The following PXDNL variants were observed in gnomAD, a reference collection of about 807,000 sequenced individuals.
The protein encoded by PXDNL is peroxidasin like, also known as probable oxidoreductase PXDNL.
In PXDNL, 145 loss-of-function variants were observed where a neutral mutation model predicts 150.8. The observed-to-expected ratio is 0.96, with a 90% CI of 0.84 to 1.10. The LOEUF is 1.10. PXDNL is among the 50% of genes least tolerant of loss of function. PXDNL has a pLI of 0.00. For missense variants in PXDNL, 2,087 were observed against 1,873.9 expected (o/e 1.11, Z -2.10); for synonymous variants, 757 against 725.7 (o/e 1.04, Z -0.69).
chr8:51,606,031 A>T (rs528321585), intron 2 of PXDNL, among the ~76,000 whole-genome samples: 1 of 152,212 alleles, frequency 6.6e-6, no homozygotes, highest in Non-Finnish European at 1.5e-5. Flanking sequence ...TTATTCATAT[A>T]TTATCTTGTT....
chr8:51,595,204 T>C (rs1166771164), intron 2 of PXDNL, among the ~76,000 whole-genome samples: 1 of 152,122 alleles, frequency 6.6e-6, no homozygotes, highest in Non-Finnish European at 1.5e-5. Flanking sequence ...TATTAGCTGT[T>C]TTTTGCTGAA....
chr8:51,606,832 T>C (rs1281826445), intron 2 of PXDNL, among the ~76,000 whole-genome samples: 1 of 152,154 alleles, frequency 6.6e-6, no homozygotes, highest in East Asian at 1.9e-4. Context: ...CTTTCACACA[T>C]ACAACACATA....
At chr8:51,403,282 A>G (rs1808324621) in intron 17 of PXDNL, among the ~76,000 whole-genome samples, 1 of 152,182 alleles carries the variant, frequency 6.6e-6, no homozygotes, top group Non-Finnish European at 1.5e-5. Context: ...TTGGTACTGA[A>G]GGAGGCAGGA....
chr8:51,367,697 G>A (rs1806964338), intron 19 of PXDNL, among the ~76,000 whole-genome samples: 2 of 152,004 alleles, frequency 1.3e-5, no homozygotes, highest in Admixed American at 1.3e-4. Flanking sequence ...TTATATAACA[G>A]ATACATAGAA....
chr8:51,804,001 G>A (rs1383039798), intron 1 of PXDNL, among the ~76,000 whole-genome samples: 1 of 152,174 alleles, frequency 6.6e-6, no homozygotes, highest in African/African-American at 2.4e-5. Context: ...AGTTAATTTA[G>A]AAAGTTTATT....
intron 1 of PXDNL, among the ~76,000 whole-genome samples, chr8:51,658,491 TG>T (rs1004086219): frequency 1.3e-5 from 2 of 152,192 alleles, no homozygotes; most frequent in African/African-American, 4.8e-5. Flanking sequence ...CGATCCTCTT[TG>T]GCTAGTACAT....
At chr8:51,607,391 G>A (rs116002413) in intron 2 of PXDNL, among the ~76,000 whole-genome samples, 1 of 152,160 alleles carries the variant, frequency 6.6e-6, no homozygotes, top group Non-Finnish European at 1.5e-5. Context: ...AACAAAGGAG[G>A]CACGAAGCCC....
chr8:51,497,438 T>A (rs1163216696), intron 5 of PXDNL, among the ~76,000 whole-genome samples: 1 of 151,996 alleles, frequency 6.6e-6, no homozygotes, highest in Non-Finnish European at 1.5e-5. Context: ...ACAAACAGGA[T>A]CTAATTAAAC....
chr8:51,696,805 TCACACACA>T (rs769772282), intron 1 of PXDNL, among the ~76,000 whole-genome samples: 477 of 26,390 alleles, frequency 0.018, 8 homozygotes, highest in South Asian at 0.063. Flanking sequence ...ACATAGGTCT[TCACACACA>T]CACACACACA....
At position 51,319,934 on chromosome 8, in the gene PXDNL, C is replaced by A. The variant is rs1805265923; in HGVS notation, c.4349G>T (p.Cys1450Phe). The A allele has an allele frequency of 3.2e-6, 5 of 1,571,866 alleles. No individual in the cohort carries two copies. The highest frequency in any genetic ancestry group is 1.4e-5 in the African/African-American group (1 of 72,862). The stretch of plus-strand genomic sequence containing the variant: ...ATCACTTGGCATTCCTCGGTCTCTG[C>A]AAACTGGACAGCAGGTTCCTTTCAC... ...ELVKGTCCPVCRDRGMPSDSP... is the reference protein window; with the variant it reads ...ELVKGTCCPVFRDRGMPSDSP... Residue 1450 changes from cysteine to phenylalanine, a missense_variant, in exon 23 of 23, where the codon TGC becomes TTC. Physicochemically the swap from Cys to Phe is radical, Grantham distance 205. Coordinates refer to ENST00000356297, the MANE Select transcript of PXDNL (RefSeq NM_144651.5).
At chr8:51,402,353 C>T (rs995548526) in intron 17 of PXDNL, among the ~76,000 whole-genome samples, 5 of 151,992 alleles carry the variant, frequency 3.3e-5, no homozygotes, top group African/African-American at 9.7e-5. Flanking sequence ...TGGTGAGACC[C>T]AATCTCTACC....
chr8:51,508,748 T>C (rs571277008), intron 4 of PXDNL, among the ~76,000 whole-genome samples: 31 of 152,174 alleles, frequency 2.0e-4, no homozygotes, highest in Non-Finnish European at 4.3e-4. Flanking sequence ...CATGCCCTAC[T>C]GCCAGCCCCA....
intron 8 of PXDNL, among the ~76,000 whole-genome samples, chr8:51,459,267 G>A (rs981729356): frequency 6.6e-6 from 1 of 152,176 alleles, no homozygotes; most frequent in Non-Finnish European, 1.5e-5. Flanking sequence ...CATTCAAGGG[G>A]CTCATTTAGT....
chr8:51,622,190 C>G (rs902147376), intron 2 of PXDNL, among the ~76,000 whole-genome samples: 1 of 152,090 alleles, frequency 6.6e-6, no homozygotes, highest in Admixed American at 6.5e-5. Flanking sequence ...AATAACCTCA[C>G]CCACTGGCCG....
At chr8:51,432,692 C>T (rs1429001899) in intron 12 of PXDNL, among the ~76,000 whole-genome samples, 1 of 152,162 alleles carries the variant, frequency 6.6e-6, no homozygotes, top group Non-Finnish European at 1.5e-5. Flanking sequence ...ACAGTTTTTA[C>T]TTGTTAATGT....
intron 4 of PXDNL, among the ~76,000 whole-genome samples, chr8:51,536,374 ATG>A (rs199624052): frequency 0.047 from 7,208 of 152,340 alleles, 282 homozygotes; most frequent in East Asian, 0.22. Flanking sequence ...AGTGTAATGT[ATG>A]CTTAATTATA....
chr8:51,524,829 A>G (rs1585548750), intron 4 of PXDNL, among the ~76,000 whole-genome samples: 1 of 152,234 alleles, frequency 6.6e-6, no homozygotes, highest in African/African-American at 2.4e-5. Context: ...GCACAATTTC[A>G]GAGGAAATTG....
intron 12 of PXDNL, among the ~76,000 whole-genome samples, chr8:51,442,788 A>T (rs1670821108): frequency 6.6e-6 from 1 of 151,750 alleles, no homozygotes; most frequent in South Asian, 2.1e-4. Flanking sequence ...TTCATTTTGT[A>T]TTTTCGTGTG....
chr8:51,612,217 T>C lies in PXDNL; in HGVS notation c.237-19519A>G, dbSNP rs146134780. On this transcript the variant is annotated intron_variant, in intron 2 of 22. Transcript: ENST00000356297. ...TTGCTCCCGGCCTCCACTCCTCCTC[T>C]CTTTCCCAGCAACCCTGTCCTGTTC... Among the ~76,000 whole-genome samples the C allele has an allele frequency of 4.2e-3, 644 of 152,292 alleles. 3 individuals carry two copies. Among genetic ancestry groups the C allele is most frequent in the African/African-American group, 0.015 (605 of 41,550 alleles).
Sources: allele counts gnomAD v4.1 joint callset (sites outside exome capture counted in the v4.1 genomes callset), GRCh38; gene constraint gnomAD v4.1.1; transcripts MANE v1.5; gene names NCBI Gene and HGNC (gene_info 2026-07-23, HGNC 2026-07-21).